BIRC5: variants seen among roughly 807,000 people sequenced by gnomAD.
BIRC5 encodes the protein baculoviral IAP repeat-containing protein 5.
Under a neutral mutation model 15.8 loss-of-function variants are expected in BIRC5, and 8 were observed. The observed-to-expected ratio is 0.51, with a 90% CI of 0.30 to 0.91. The LOEUF (loss-of-function observed/expected upper bound fraction) is 0.91, where lower values mean the gene tolerates loss of function less well. Among genes scored for constraint, BIRC5 ranks in the 40% least tolerant of loss-of-function variants. The pLI is 0.07. For missense variants in BIRC5, 163 were observed against 178.6 expected, an observed-to-expected ratio of 0.91 and a Z score of 0.50; for synonymous variants, 56 against 64.5, an observed-to-expected ratio of 0.87 and a Z score of 0.63.
chr17:78,222,541 T>C (rs2076522261), intron 3 of BIRC5, among the ~76,000 whole-genome samples: 3 of 152,116 alleles, frequency 2.0e-5, no homozygotes, highest in African/African-American at 7.2e-5. Flanking sequence ...GGCGCATGCC[T>C]GTAATCCCAG....
At position 78,224,609 on chromosome 17, in the gene BIRC5, A is replaced by C. The variant is rs1016207767; in HGVS notation, c.*1055A>C. 1.3e-5 allele frequency: 2 copies of C among 152,238 alleles called. No individual in the cohort carries two copies. Among genetic ancestry groups the C allele is most frequent in the Non-Finnish European group, 2.9e-5 (2 of 68,038 alleles). 9.4% of individuals were successfully genotyped at this position (152,238 alleles called of 1,614,324 possible). ...TTTGATTCGCCCTCCTCCCTGTCAT[A>C]GAGCTGCAGGGTGGATTGTTACAGC... is the stretch of plus-strand genomic sequence containing the variant. On this transcript the variant is annotated 3_prime_UTR_variant, in exon 4 of 4. Coordinates refer to ENST00000350051, the MANE Select transcript of BIRC5 (RefSeq NM_001168.3).
At chr17:78,215,204 G>A (rs17886466) in intron 2 of BIRC5, 3,790 of 164,020 alleles carry the variant, frequency 0.023, 175 homozygotes, top group African/African-American at 0.085. Flanking sequence ...ATCACCTGAG[G>A]TCAGGAGTTC....
At chr17:78,218,008 C>T (rs2076491771) in intron 3 of BIRC5, among the ~76,000 whole-genome samples, 1 of 150,344 alleles carries the variant, frequency 6.7e-6, no homozygotes, top group Admixed American at 6.6e-5. Context: ...ATGAGGGTTC[C>T]CTGTGTTGTC....
At chr17:78,218,266 CTTTA>C (rs144831740) in intron 3 of BIRC5, among the ~76,000 whole-genome samples, 16,044 of 150,376 alleles carry the variant, frequency 0.11, 989 homozygotes, top group Middle Eastern at 0.2. Context: ...TGTAACTGGG[CTTTA>C]TTTATTTATT....
At chr17:78,223,037 G>A in intron 3 of BIRC5, 2 of 1,114,694 alleles carry the variant, frequency 1.8e-6, no homozygotes, top group Non-Finnish European at 2.3e-6. Context: ...ACTAGCTGGG[G>A]TGCCTAGACT....
At chr17:78,214,638 C>T (rs1156258988) in intron 1 of BIRC5, 42 bp from the exon 2 acceptor site, 3 of 1,528,866 alleles carry the variant, frequency 2.0e-6, no homozygotes, top group Admixed American at 2.0e-5. Context: ...CTCGGGGTTC[C>T]GGGCTGCCAC....
chr17:78,215,277 C>T (rs2076469587), intron 2 of BIRC5, among the ~76,000 whole-genome samples: 1 of 152,078 alleles, frequency 6.6e-6, no homozygotes, highest in Admixed American at 6.6e-5. Flanking sequence ...ATTAGCCGGG[C>T]ATGGTAGCGC....
At chr17:78,215,001 A>T in intron 2 of BIRC5, 1 of 514,716 alleles carries the variant, frequency 1.9e-6, no homozygotes, top group South Asian at 2.0e-5. Context: ...CTTGGGGTGG[A>T]CGTAAGATGC....
intron 2 of BIRC5, chr17:78,216,440 A>G: frequency 2.1e-6 from 1 of 467,404 alleles, no homozygotes; most frequent in Non-Finnish European, 3.9e-6. Context: ...TTAGCCACAC[A>G]GATGTGGGGG....
chr17:78,219,487 A>G (rs1219075384), intron 3 of BIRC5, among the ~76,000 whole-genome samples: 1 of 152,084 alleles, frequency 6.6e-6, no homozygotes, highest in Non-Finnish European at 1.5e-5. Flanking sequence ...ACCTGGCCTC[A>G]ATATAGTGGC....
rs776613516 is a variant in BIRC5 at position 78,223,566 on chromosome 17, G to A, written c.*12G>A. Reference sequence around the variant, plus strand: ...CTGCCATGGATTGAGGCCTCTGGCCGGAGCTGCCTGGTCCCAGAGTGGCTG... The same window carrying A: ...CTGCCATGGATTGAGGCCTCTGGCCAGAGCTGCCTGGTCCCAGAGTGGCTG... On this transcript the variant is annotated 3_prime_UTR_variant, in exon 4 of 4. Coordinates refer to ENST00000350051, the MANE Select transcript of BIRC5 (RefSeq NM_001168.3). 2.7e-5 allele frequency: 44 copies of A among 1,613,502 alleles called. No homozygotes were observed. Among genetic ancestry groups the A allele is most frequent in the Middle Eastern group, 1.6e-4 (1 of 6,076 alleles).
intron 3 of BIRC5, among the ~76,000 whole-genome samples, chr17:78,221,731 G>T (rs2076516905): frequency 6.6e-6 from 1 of 152,186 alleles, no homozygotes; most frequent in Non-Finnish European, 1.5e-5. Context: ...CATTGGGGTG[G>T]TTAAATTATA....
chr17:78,214,885 T>C, intron 2 of BIRC5, 96 bp downstream of exon 2: 6 of 1,134,974 alleles, frequency 5.3e-6, no homozygotes, highest in African/African-American at 1.5e-5. Flanking sequence ...AGGGTTGCTT[T>C]CCACCCTCAT....
chr17:78,222,727 G>C, intron 3 of BIRC5: 1 of 1,428,456 alleles, frequency 7.0e-7, no homozygotes, highest in South Asian at 1.4e-5. Context: ...CCCAATAAAG[G>C]TCTTTGTTTT....
Position 78,224,964 on chromosome 17 carries a change from T to A in BIRC5, c.*1410T>A, listed in dbSNP as rs1303479246. On this transcript the variant is annotated 3_prime_UTR_variant, in exon 4 of 4. Transcript: ENST00000350051. ...AGTCGGCCTGAGATAGACTTTTCCC[T>A]CTAAACTGGGAGAATATCACAGTGG... 1 of 152,234 alleles carries A rather than the reference T, an allele frequency of 6.6e-6. No homozygotes were observed. The highest frequency in any genetic ancestry group is 2.4e-5 in the African/African-American group (1 of 41,452). 9.4% of individuals were successfully genotyped at this position (152,234 alleles called of 1,614,324 possible).
At position 78,223,895 on chromosome 17, in the gene BIRC5, C is replaced by T. The variant is rs1229825411; in HGVS notation, c.*341C>T. The T allele has an allele frequency of 3.2e-5, 13 of 407,754 alleles. No individual in the cohort carries two copies. Among genetic ancestry groups the T allele is most frequent in the South Asian group, 2.0e-4 (5 of 24,458 alleles). 25.3% of individuals were successfully genotyped at this position (407,754 alleles called of 1,614,324 possible). On this transcript the variant is annotated 3_prime_UTR_variant, in exon 4 of 4. Transcript: ENST00000350051. ...TTTTGCTAGAGCTGACAGCTTTGTT[C>T]GCGTGGGCAGAGCCTTCCACAGTGA...
Position 78,223,647 on chromosome 17 carries a change from C to T in BIRC5, c.*93C>T. 1.3e-6 allele frequency: 2 copies of T among 1,583,792 alleles called. No homozygotes were observed. The highest frequency in any genetic ancestry group is 1.7e-6 in the Non-Finnish European group (2 of 1,165,444). On this transcript the variant is annotated 3_prime_UTR_variant, in exon 4 of 4. Transcript: ENST00000350051. ...ACCAGCCTTCCTGTGGGCCCCTTAG[C>T]AATGTCTTAGGAAAGGAGATCAACA... is the stretch of plus-strand genomic sequence containing the variant.
chr17:78,215,998 C>G (rs200848570), intron 2 of BIRC5: 2 of 1,060,346 alleles, frequency 1.9e-6, no homozygotes, highest in East Asian at 7.8e-5. Flanking sequence ...GCCTGTAATA[C>G]CAGCACTTTG....
Position 78,214,668 on chromosome 17 carries a change from T to A in BIRC5, c.112-12T>A, listed in dbSNP as rs1228027880. 1.3e-6 allele frequency: 2 copies of A among 1,592,420 alleles called. No homozygotes were observed. The highest frequency in any genetic ancestry group is 1.7e-6 in the Non-Finnish European group (2 of 1,170,610). ...TGCCACGTCCACTCACGAGCTGTGC[T>A]GTCCCTTGCAGATGGCCGAGGCTGG... is the stretch of plus-strand genomic sequence containing the variant. On this transcript the variant is annotated splice_polypyrimidine_tract_variant and intron_variant, in intron 1 of 3. Transcript: ENST00000350051.
Sources: allele counts gnomAD v4.1 joint callset (sites outside exome capture counted in the v4.1 genomes callset), GRCh38; gene constraint gnomAD v4.1.1; transcripts MANE v1.5; gene names NCBI Gene and HGNC (gene_info 2026-07-23, HGNC 2026-07-21).